The following ATG4B variants were observed in gnomAD, a reference collection of about 807,000 sequenced individuals.
ATG4B encodes autophagy related 4B cysteine peptidase.
A neutral mutation model predicts 56.6 loss-of-function variants in ATG4B; 29 were observed. That is an observed-to-expected ratio of 0.51 (90% CI 0.38 to 0.70). The LOEUF (loss-of-function observed/expected upper bound fraction) is 0.70, where lower values mean the gene tolerates loss of function less well. Ranked by LOEUF, ATG4B falls within the 30% of genes least tolerant of loss-of-function variation. The pLI, the probability that ATG4B is intolerant of heterozygous loss-of-function variation, is 0.00. For missense variants in ATG4B, 461 were observed against 515.5 expected (o/e 0.89, Z 1.02); for synonymous variants, 224 against 206.1 (o/e 1.09, Z -0.74).
At chr2:241,646,696 A>C (rs971503600) in intron 1 of ATG4B, among the ~76,000 whole-genome samples, 14 of 151,998 alleles carry the variant, frequency 9.2e-5, no homozygotes, top group African/African-American at 3.1e-4. Context: ...AGTTTGCCCA[A>C]CTGTAGGCTA....
At chr2:241,659,737 C>T (rs1026003107) in intron 7 of ATG4B, 1 of 198,772 alleles carries the variant, frequency 5.0e-6, no homozygotes, top group African/African-American at 2.4e-5. Flanking sequence ...CATGTTTCAC[C>T]TTCCATGATG....
intron 1 of ATG4B, among the ~76,000 whole-genome samples, chr2:241,649,784 C>CTTTTTTTTTTTTTTTTTTTTTTTTTG: frequency 7.3e-6 from 1 of 137,512 alleles, no homozygotes; most frequent in Non-Finnish European, 1.6e-5. Context: ...TTTTCTTTTT[C>CTTTTTTTTTTTTTTTTTTTTTTTTTG]TTTTTTTTTT....
chr2:241,657,808 G>C (rs185281764), intron 6 of ATG4B, among the ~76,000 whole-genome samples: 1 of 152,290 alleles, frequency 6.6e-6, no homozygotes, highest in East Asian at 1.9e-4. Context: ...AGAGCCATCT[G>C]CATAAAACAT....
chr2:241,652,263 C>T (rs571474276), intron 3 of ATG4B, among the ~76,000 whole-genome samples: 7 of 152,362 alleles, frequency 4.6e-5, no homozygotes, highest in Middle Eastern at 3.4e-3. Context: ...CCACAGTTTC[C>T]GCTTGTTTCG....
In ATG4B at chr2:241,668,113, A is replaced by G; in HGVS notation, c.733-30A>G. On this transcript the variant is annotated intron_variant, in intron 8 of 12. Coordinates refer to ENST00000404914, the MANE Select transcript of ATG4B (RefSeq NM_013325.5). This position sits in a 1 kb window ranked among gnomAD's most constrained non-coding sequence, Gnocchi z 4.2. ...GGGGGACCGTCTGCTCCCACCTGGGACCTGTGCTCAGTCCCCCGCCCCTCC... is the reference window on the plus strand; with the variant it reads ...GGGGGACCGTCTGCTCCCACCTGGGGCCTGTGCTCAGTCCCCCGCCCCTCC... 1 of 1,564,720 alleles carries G rather than the reference A, an allele frequency of 6.4e-7. No individual in the cohort carries two copies. Among genetic ancestry groups the G allele is most frequent in the Non-Finnish European group, 8.7e-7 (1 of 1,155,072 alleles).
At position 241,666,846 on chromosome 2, in the gene ATG4B, CTGCCGTGCGGCGCT is replaced by C; in HGVS notation, c.732+13_732+26del. The C allele has an allele frequency of 6.4e-7, 1 of 1,553,184 alleles. No homozygotes were observed. Among genetic ancestry groups the C allele is most frequent in the Middle Eastern group, 1.9e-4 (1 of 5,330 alleles). The stretch of plus-strand genomic sequence containing the variant: ...TACGTGGAGACGCTGAAGGTGGGTC[CTGCCGTGCGGCGCT>C]TGCCCTGAGTCCCCGTCCCCTTCTC... On this transcript the variant is annotated intron_variant, in intron 8 of 12. Transcript: ENST00000404914.
At chr2:241,664,276 C>G (rs1215098202) in intron 7 of ATG4B, among the ~76,000 whole-genome samples, 2 of 152,108 alleles carry the variant, frequency 1.3e-5, no homozygotes, top group African/African-American at 4.8e-5. Context: ...CGCCTGTAAT[C>G]CTAGCACTTT....
At chr2:241,646,718 C>T (rs1320102004) in intron 1 of ATG4B, among the ~76,000 whole-genome samples, 2 of 150,882 alleles carry the variant, frequency 1.3e-5, no homozygotes, top group Non-Finnish European at 2.9e-5. Context: ...TGTAAGTGTT[C>T]TGAGCACATT....
chr2:241,670,656 T>C (rs2068938499), intron 10 of ATG4B, 70 bp from the exon 11 acceptor site: 1 of 1,397,666 alleles, frequency 7.2e-7, no homozygotes, highest in East Asian at 2.4e-5. Context: ...GCAGTGGGAA[T>C]GGAAGCCCCC....
intron 7 of ATG4B, among the ~76,000 whole-genome samples, chr2:241,660,730 G>C (rs2068564842): frequency 6.6e-6 from 1 of 152,092 alleles, no homozygotes; most frequent in Non-Finnish European, 1.5e-5. Context: ...ATTTTCTCCT[G>C]GCCATGAGTG....
In ATG4B at chr2:241,654,564, G is replaced by A; in HGVS notation, c.302G>A (p.Arg101Lys). The change falls in exon 5 of 13, where the codon AGG (arginine) becomes AAG (lysine). Residue 101 changes from arginine to lysine, a missense_variant. Transcript: ENST00000404914. ...CCAATAGATTGGAGGTGGACACAAA[G>A]GAAGAGGCAGCCAGACAGCTACTTC... is the stretch of plus-strand genomic sequence containing the variant. ...HLGRDWRWTQ[R>K]KRQPDSYFSV... The A allele has an allele frequency of 6.3e-7, 1 of 1,598,202 alleles. No individual in the cohort carries two copies. The highest frequency in any genetic ancestry group is 8.5e-7 in the Non-Finnish European group (1 of 1,172,344).
chr2:241,658,484 T>C, intron 6 of ATG4B, among the ~76,000 whole-genome samples: 1 of 152,292 alleles, frequency 6.6e-6, no homozygotes, highest in East Asian at 1.9e-4. Flanking sequence ...TCAGGGCCTT[T>C]TCTATTGTTT....
chr2:241,643,355 C>T (rs1424874039), intron 1 of ATG4B, among the ~76,000 whole-genome samples: 1 of 146,036 alleles, frequency 6.8e-6, no homozygotes, highest in Non-Finnish European at 1.5e-5. Flanking sequence ...CAGATGTCCA[C>T]GCCTAGCTAT....
intron 1 of ATG4B, among the ~76,000 whole-genome samples, chr2:241,646,908 G>A (rs567354589): frequency 6.6e-6 from 1 of 151,286 alleles, no homozygotes; most frequent in Non-Finnish European, 1.5e-5. Flanking sequence ...TCAGCCTCCC[G>A]AGTAGCTGGG....
At chr2:241,653,205 T>C in intron 3 of ATG4B, 1 of 811,664 alleles carries the variant, frequency 1.2e-6, no homozygotes, top group East Asian at 3.2e-5. Flanking sequence ...TGTTTAACTT[T>C]GCATTTTCTG....
chr2:241,640,088 C>T (rs1484632986), intron 1 of ATG4B, among the ~76,000 whole-genome samples: 1 of 152,140 alleles, frequency 6.6e-6, no homozygotes, highest in Non-Finnish European at 1.5e-5. Context: ...GTCAAAAACA[C>T]GGTTCAGTGT....
chr2:241,653,098 TTGC>T (rs1037507136), intron 3 of ATG4B, among the ~76,000 whole-genome samples: 14 of 152,224 alleles, frequency 9.2e-5, no homozygotes, highest in African/African-American at 3.4e-4. Flanking sequence ...AAGGGCTGAG[TTGC>T]TGCCCTTGCG....
intron 8 of ATG4B, among the ~76,000 whole-genome samples, chr2:241,667,661 C>A (rs1026719287): frequency 6.6e-6 from 1 of 151,128 alleles, no homozygotes. Flanking sequence ...TCAGGTAACT[C>A]AAATTTTAGA....
At chr2:241,665,385 C>CA (rs1436746574) in intron 7 of ATG4B, among the ~76,000 whole-genome samples, 1 of 152,244 alleles carries the variant, frequency 6.6e-6, no homozygotes, top group Non-Finnish European at 1.5e-5. Flanking sequence ...GTCCAGGGAA[C>CA]AACCCGTGCC....
Sources: allele counts gnomAD v4.1 joint callset (sites outside exome capture counted in the v4.1 genomes callset), GRCh38; gene constraint gnomAD v4.1.1; non-coding constraint Gnocchi (gnomAD v3.1); transcripts MANE v1.5; gene names NCBI Gene and HGNC (gene_info 2026-07-23, HGNC 2026-07-21).